DAB2IP: variants seen among roughly 807,000 people sequenced by gnomAD.
DAB2IP encodes the protein DAB2 interacting protein, also known as disabled homolog 2-interacting protein.
In DAB2IP, 28 loss-of-function variants were observed where a neutral mutation model predicts 107.2. That is an observed-to-expected ratio of 0.26 (90% CI 0.19 to 0.36). DAB2IP has a LOEUF of 0.36. Among genes scored for constraint, DAB2IP ranks in the 10% least tolerant of loss-of-function variants. The probability of loss-of-function intolerance (pLI) is 1.00; values close to 1 mark genes in which losing one functional copy is unlikely to be tolerated. For synonymous variants in DAB2IP, 755 were observed against 706.4 expected (o/e 1.07, Z -1.09); for missense variants, 1,400 against 1,644.7 (o/e 0.85, Z 2.57).
At chr9:121,696,434 G>A (rs1206747001) in intron 2 of DAB2IP, among the ~76,000 whole-genome samples, 1 of 152,216 alleles carries the variant, frequency 6.6e-6, no homozygotes, top group East Asian at 1.9e-4. Context: ...CTGACTTGAA[G>A]ACCAGTCAGC....
At chr9:121,781,353 G>A in intron 14 of DAB2IP, 111 bp from the exon 15 acceptor site, 1 of 1,033,876 alleles carries the variant, frequency 9.7e-7, no homozygotes, top group East Asian at 2.4e-5. Context: ...CCCAAGGAGG[G>A]GCTCTCCTAG....
rs960153774 is a variant in DAB2IP, at chr9:121,635,058, G to A, written c.41-43620G>A. ...CGTGCGTGTGTATGTGTGTGTGCAT[G>A]TGCGTGTATGTCTATGTGCGAAGGG... On this transcript the variant is annotated intron_variant, in intron 1 of 16. Coordinates refer to the DAB2IP transcript ENST00000259371. This position sits in a 1 kb window ranked among gnomAD's most constrained non-coding sequence, Gnocchi z 4.3. Among the ~76,000 whole-genome samples the A allele has an allele frequency of 2.0e-5, 3 of 152,180 alleles. No homozygotes were observed. Among genetic ancestry groups the A allele is most frequent in the Non-Finnish European group, 4.4e-5 (3 of 68,050 alleles).
chr9:121,748,223 C>G (rs1247681058), intron 3 of DAB2IP, among the ~76,000 whole-genome samples: 1 of 152,178 alleles, frequency 6.6e-6, no homozygotes, highest in Non-Finnish European at 1.5e-5. Flanking sequence ...GGAGGAAACT[C>G]GTTCAGGGTC....
rs561972371 is a variant in DAB2IP, at chr9:121,599,331, G to T, written c.40+32103G>T. The stretch of plus-strand genomic sequence containing the variant: ...TCGGGCCGGCACCAGGCTGGGGAGC[G>T]TGTGCTCGGAGCGGAGGGCCTCGGC... On this transcript the variant is annotated intron_variant, in intron 1 of 16. Transcript: ENST00000259371. The surrounding 1 kb of genome is among the most constrained non-coding windows in gnomAD (Gnocchi z 6.9). Among the ~76,000 whole-genome samples the T allele has an allele frequency of 6.6e-6, 1 of 152,310 alleles. No individual in the cohort carries two copies. Among genetic ancestry groups the T allele is most frequent in the South Asian group, 2.1e-4 (1 of 4,828 alleles).
At chr9:121,659,796 AAAAAGAAAAAAG>A (rs1459527212) in intron 1 of DAB2IP, among the ~76,000 whole-genome samples, 3 of 152,096 alleles carry the variant, frequency 2.0e-5, no homozygotes, top group Non-Finnish European at 4.4e-5. Context: ...TCCGTCTCAA[AAAAAGAAAAAAG>A]AAAAGAAAAA....
chr9:121,603,650 C>G (rs569843863), intron 1 of DAB2IP, among the ~76,000 whole-genome samples: 9 of 152,244 alleles, frequency 5.9e-5, no homozygotes, highest in Middle Eastern at 6.8e-3. Context: ...AGAGCCCTCA[C>G]CTGGAAGCTT....
intron 14 of DAB2IP, among the ~76,000 whole-genome samples, chr9:121,777,402 C>T (rs1230641942): frequency 6.6e-6 from 1 of 152,222 alleles, no homozygotes; most frequent in Admixed American, 6.5e-5. Flanking sequence ...ATGAGTGAAA[C>T]CAGGGTGGCT....
chr9:121,582,856 C>T (rs910210307), intron 1 of DAB2IP, among the ~76,000 whole-genome samples: 2 of 152,240 alleles, frequency 1.3e-5, no homozygotes, highest in African/African-American at 4.8e-5. Flanking sequence ...CAGAAGCCTT[C>T]CCAGCCCCTG....
intron 1 of DAB2IP, among the ~76,000 whole-genome samples, chr9:121,657,543 G>C (rs562875044): frequency 6.6e-6 from 1 of 152,262 alleles, no homozygotes; most frequent in African/African-American, 2.4e-5. Context: ...CCTTTACCAG[G>C]TGGGAAACGG....
At chr9:121,671,542 A>G (rs1011654979) in intron 1 of DAB2IP, among the ~76,000 whole-genome samples, 2 of 152,112 alleles carry the variant, frequency 1.3e-5, no homozygotes, top group Non-Finnish European at 1.5e-5. Context: ...TGGATGTAAC[A>G]CAGTTTGTTT....
At chr9:121,780,750 C>T (rs1835557192) in intron 14 of DAB2IP, among the ~76,000 whole-genome samples, 1 of 152,142 alleles carries the variant, frequency 6.6e-6, no homozygotes, top group Non-Finnish European at 1.5e-5. Flanking sequence ...GCCAGGAGGG[C>T]TCCCAGGCAG....
intron 1 of DAB2IP, among the ~76,000 whole-genome samples, chr9:121,658,808 G>A (rs1298784208): frequency 1.3e-5 from 2 of 152,182 alleles, no homozygotes; most frequent in East Asian, 1.9e-4. Context: ...CTCAGTCTCC[G>A]AATCTCAGAT....
intron 2 of DAB2IP, among the ~76,000 whole-genome samples, chr9:121,679,413 T>TACAC (rs3138857): frequency 0.031 from 4,255 of 135,574 alleles, 88 homozygotes; most frequent in African/African-American, 0.048. Flanking sequence ...TTTGTGCATG[T>TACAC]ACACACACAC....
intron 3 of DAB2IP, among the ~76,000 whole-genome samples, chr9:121,704,975 G>A (rs7033645): frequency 0.01 from 1,546 of 152,340 alleles, 18 homozygotes; most frequent in African/African-American, 0.035. Context: ...AGGGCTGACC[G>A]GCCCAGGAGC....
intron 1 of DAB2IP, among the ~76,000 whole-genome samples, chr9:121,644,351 C>G (rs1259722336): frequency 6.6e-6 from 1 of 151,956 alleles, no homozygotes; most frequent in Non-Finnish European, 1.5e-5. Flanking sequence ...AATCCCAGCA[C>G]TTGGGGAGGC....
chr9:121,733,421 T>C (rs1831662952), intron 3 of DAB2IP, among the ~76,000 whole-genome samples: 1 of 152,078 alleles, frequency 6.6e-6, no homozygotes, highest in African/African-American at 2.4e-5. Flanking sequence ...CTTTTTGAGG[T>C]GGGAGGGTTT....
intron 1 of DAB2IP, among the ~76,000 whole-genome samples, chr9:121,591,305 C>A (rs1329622424): frequency 6.6e-6 from 1 of 152,192 alleles, no homozygotes; most frequent in Non-Finnish European, 1.5e-5. Flanking sequence ...CCTGTCTCTA[C>A]CAAAAATACA....
intron 3 of DAB2IP, among the ~76,000 whole-genome samples, chr9:121,709,149 A>G (rs1830205527): frequency 6.6e-6 from 1 of 152,210 alleles, no homozygotes; most frequent in Non-Finnish European, 1.5e-5. Flanking sequence ...TCTCTATTTC[A>G]GTAAAGCAAA....
upstream of DAB2IP, among the ~76,000 whole-genome samples, chr9:121,650,293 C>G (rs531429548): frequency 1.8e-4 from 27 of 152,322 alleles, no homozygotes; most frequent in South Asian, 6.2e-4. Flanking sequence ...GCCCCTCCCC[C>G]CTGGTCAGGG....
Sources: allele counts gnomAD v4.1 joint callset (sites outside exome capture counted in the v4.1 genomes callset), GRCh38; gene constraint gnomAD v4.1.1; non-coding constraint Gnocchi (gnomAD v3.1); transcripts MANE v1.5; gene names NCBI Gene and HGNC (gene_info 2026-07-23, HGNC 2026-07-21).